The following CCDC7 variants were observed in gnomAD, a reference collection of about 807,000 sequenced individuals.
CCDC7 encodes the protein coiled-coil domain-containing protein 7.
CCDC7 carries 183 observed loss-of-function variants against 196.9 expected under a neutral mutation model. The observed-to-expected ratio is 0.93, with a 90% CI of 0.82 to 1.05. The LOEUF (loss-of-function observed/expected upper bound fraction) is 1.05, where lower values mean the gene tolerates loss of function less well. Ranked by LOEUF, CCDC7 falls within the 50% of genes least tolerant of loss-of-function variation. CCDC7 has a pLI of 0.00. For synonymous variants in CCDC7, 525 were observed against 484.6 expected (o/e 1.08, Z -1.10); for missense variants, 1,540 against 1,482.2 (o/e 1.04, Z -0.64).
At chr10:32,474,621 A>T in intron 8 of CCDC7, among the ~76,000 whole-genome samples, 1 of 152,152 alleles carries the variant, frequency 6.6e-6, no homozygotes, top group East Asian at 1.9e-4. Flanking sequence ...AAATGTTGGC[A>T]GGCCTTTGAG....
At chr10:32,564,199 G>A (rs1589946037) in intron 13 of CCDC7, among the ~76,000 whole-genome samples, 1 of 152,176 alleles carries the variant, frequency 6.6e-6, no homozygotes, top group South Asian at 2.1e-4. Context: ...TTACACTGTT[G>A]GTGGGACTGT....
intron 9 of CCDC7, among the ~76,000 whole-genome samples, chr10:32,504,611 TTTTG>T (rs1394074902): frequency 6.6e-6 from 1 of 152,230 alleles, no homozygotes; most frequent in African/African-American, 2.4e-5. Flanking sequence ...GTATTTCCAT[TTTTG>T]TTTGTCTGAA....
intron 21 of CCDC7, among the ~76,000 whole-genome samples, chr10:32,672,190 G>C (rs1384210692): frequency 2.0e-5 from 3 of 152,166 alleles, no homozygotes; most frequent in Non-Finnish European, 4.4e-5. Flanking sequence ...TGCCACCTTG[G>C]TAACAGAATC....
At chr10:32,806,343 G>C (rs957383293) in intron 30 of CCDC7, among the ~76,000 whole-genome samples, 1 of 152,060 alleles carries the variant, frequency 6.6e-6, no homozygotes, top group South Asian at 2.1e-4. Context: ...ATTCTAATAA[G>C]GAAGAAAGTA....
At chr10:32,589,925 T>C (rs1372885328) in intron 18 of CCDC7, among the ~76,000 whole-genome samples, 1 of 152,152 alleles carries the variant, frequency 6.6e-6, no homozygotes, top group Non-Finnish European at 1.5e-5. Flanking sequence ...TTCATCCCTA[T>C]GCTTTCAGTC....
In CCDC7 at chr10:32,504,299, G is replaced by A. The variant is rs139306884; in HGVS notation, c.872+12302G>A. 8.6e-3 allele frequency among the ~76,000 whole-genome samples: 1,301 copies of A among 151,990 alleles called. 28 individuals are homozygous for A. The highest frequency in any genetic ancestry group is 0.029 in the African/African-American group (1,200 of 41,434). On this transcript the variant is annotated intron_variant, in intron 9 of 41. Coordinates refer to ENST00000639629, the Ensembl canonical transcript of CCDC7. ...GCCCGGCTAATTTTTTGTATTTTTA[G>A]TAGAGATGGGGTTTCACCGTGTTAG...
At chr10:32,748,298 T>TA (rs2075132299) in intron 28 of CCDC7, among the ~76,000 whole-genome samples, 1 of 152,062 alleles carries the variant, frequency 6.6e-6, no homozygotes, top group Non-Finnish European at 1.5e-5. Flanking sequence ...TTTGTACACC[T>TA]AACTCCCATG....
At chr10:32,700,133 C>T (rs1236989640) in intron 24 of CCDC7, among the ~76,000 whole-genome samples, 1 of 149,370 alleles carries the variant, frequency 6.7e-6, no homozygotes, top group Non-Finnish European at 1.5e-5. Context: ...CTTGCCCATG[C>T]CTATGTCCTG....
chr10:32,659,507 A>G (rs1342703904), intron 20 of CCDC7, among the ~76,000 whole-genome samples: 5 of 152,254 alleles, frequency 3.3e-5, no homozygotes, highest in Non-Finnish European at 5.9e-5. Flanking sequence ...ACACCACAAT[A>G]AAGCAAATAT....
At chr10:32,805,504 C>T (rs2085639111) in intron 30 of CCDC7, among the ~76,000 whole-genome samples, 1 of 152,144 alleles carries the variant, frequency 6.6e-6, no homozygotes, top group South Asian at 2.1e-4. Flanking sequence ...TACAAATTCC[C>T]TCTATACTTT....
At chr10:32,567,186 ATTTATATAGTCT>A (rs1201845112) in intron 14 of CCDC7, among the ~76,000 whole-genome samples, 1 of 147,252 alleles carries the variant, frequency 6.8e-6, no homozygotes, top group Non-Finnish European at 1.5e-5. Context: ...TTTTCTTTTT[ATTTATATAGTCT>A]TTTATATAAG....
At chr10:32,675,844 C>A (rs907795874) in intron 21 of CCDC7, 1 of 152,004 alleles carries the variant, frequency 6.6e-6, no homozygotes, top group East Asian at 1.9e-4. Flanking sequence ...CATCCCCATC[C>A]AGCTACCAAT....
At chr10:32,824,474 T>C (rs755056813) in intron 31 of CCDC7, 44 bp from the exon 33 acceptor site, 61 of 1,282,826 alleles carry the variant, frequency 4.8e-5, no homozygotes, top group Admixed American at 2.2e-4. Flanking sequence ...CATGTTAATA[T>C]TTACATTAAA....
intron 11 of CCDC7, among the ~76,000 whole-genome samples, chr10:32,530,288 T>C (rs1175523690): frequency 6.6e-6 from 1 of 152,168 alleles, no homozygotes; most frequent in Non-Finnish European, 1.5e-5. Flanking sequence ...TTTAGGATTG[T>C]TTTTTCTAGT....
Position 32,834,811 on chromosome 10 carries a change from A to G in CCDC7, c.3269-4A>G, listed in dbSNP as rs770963690. The stretch of plus-strand genomic sequence containing the variant: ...CGTTTTGAAAACCTGTTTTATTTTT[A>G]TAGAGACTGTCTTAAAACACTTGAA... On this transcript the variant is annotated splice_polypyrimidine_tract_variant and splice_region_variant and intron_variant, in intron 32 of 41. Transcript: ENST00000639629. 35 of 1,347,672 alleles carry G rather than the reference A, an allele frequency of 2.6e-5. No individual in the cohort carries two copies. Among genetic ancestry groups the G allele is most frequent in the Non-Finnish European group, 3.5e-5 (33 of 948,618 alleles). The allele number at this position is 1,347,672 out of a possible 1,614,324, so 83.5% of individuals were successfully genotyped here.
intron 21 of CCDC7, among the ~76,000 whole-genome samples, chr10:32,677,411 G>T (rs192010345): frequency 6.6e-6 from 1 of 151,884 alleles, no homozygotes. Flanking sequence ...TGTAAGGCTG[G>T]TCTAGTGTTG....
chr10:32,506,257 G>A (rs1178303011), intron 9 of CCDC7, among the ~76,000 whole-genome samples: 8 of 148,508 alleles, frequency 5.4e-5, no homozygotes, highest in African/African-American at 1.7e-4. Flanking sequence ...TTCCCAGACG[G>A]GGCGGCCGGG....
intron 20 of CCDC7, among the ~76,000 whole-genome samples, chr10:32,642,242 C>T (rs1392941435): frequency 6.6e-6 from 1 of 152,206 alleles, no homozygotes; most frequent in Non-Finnish European, 1.5e-5. Flanking sequence ...TGCCCTGCCC[C>T]CAGAGGTGGA....
At chr10:32,604,882 G>A (rs1416123592) in intron 18 of CCDC7, among the ~76,000 whole-genome samples, 1 of 152,046 alleles carries the variant, frequency 6.6e-6, no homozygotes, top group South Asian at 2.1e-4. Context: ...GTGACAATTT[G>A]TCATCTTCCT....
Sources: gnomAD v4.1 joint callset for allele counts (sites outside exome capture counted in the v4.1 genomes callset) on GRCh38, gnomAD v4.1.1 for gene constraint, MANE v1.5 for transcripts, NCBI Gene and HGNC (gene_info 2026-07-23, HGNC 2026-07-21) for gene names.